Variants in GABRB2 observed in about 807,000 individuals in gnomAD.
The protein encoded by GABRB2 is gamma-aminobutyric acid type A receptor subunit beta2.
Under a neutral mutation model 54.7 loss-of-function variants are expected in GABRB2, and 16 were observed. That is an observed-to-expected ratio of 0.29 (90% CI 0.20 to 0.44). GABRB2 has a LOEUF of 0.44. GABRB2 is among the 20% of genes least tolerant of loss of function. The pLI is 1.00. For missense variants in GABRB2, 355 were observed against 644.0 expected, an observed-to-expected ratio of 0.55 and a Z score of 4.86; for synonymous variants, 244 against 233.8, an observed-to-expected ratio of 1.04 and a Z score of -0.40.
chr5:161,476,157 A>G lies in GABRB2; in HGVS notation c.238-16313T>C, dbSNP rs377515499. Among the ~76,000 whole-genome samples, 13 of 152,096 alleles carry G rather than the reference A, an allele frequency of 8.5e-5. No individual in the cohort carries two copies. In the South Asian group the frequency reaches 2.7e-3, roughly 31 times the overall value. The stretch of plus-strand genomic sequence containing the variant: ...TCTATAAACTAACGATGAGAAATAC[A>G]AAAAAGGAAATTAAGAAAACAACTT... On this transcript the variant is annotated intron_variant, in intron 3 of 9. Coordinates refer to ENST00000393959, the MANE Select transcript of GABRB2 (RefSeq NM_001371727.1).
At chr5:161,387,308 C>T (rs1298984966) in intron 5 of GABRB2, among the ~76,000 whole-genome samples, 2 of 152,040 alleles carry the variant, frequency 1.3e-5, no homozygotes, top group African/African-American at 4.8e-5. Context: ...CTGGCAGGCT[C>T]TCACCCAAGA....
At chr5:161,355,992 A>G (rs1305130797) in intron 5 of GABRB2, among the ~76,000 whole-genome samples, 1 of 152,084 alleles carries the variant, frequency 6.6e-6, no homozygotes, top group Non-Finnish European at 1.5e-5. Flanking sequence ...TCTGCTCTCA[A>G]CCTCAAGTTT....
At chr5:161,330,162 T>A (rs960965885) in intron 8 of GABRB2, 8 of 152,234 alleles carry the variant, frequency 5.3e-5, no homozygotes, top group African/African-American at 1.7e-4. Context: ...AACTACTGAC[T>A]TAACAAATAA....
chr5:161,431,797 T>C (rs181075815), intron 4 of GABRB2, among the ~76,000 whole-genome samples: 1 of 152,340 alleles, frequency 6.6e-6, no homozygotes, highest in East Asian at 1.9e-4. Context: ...CTTCCTAAGG[T>C]GGATATTAAT....
At chr5:161,335,072 G>T (rs1753953502) in intron 6 of GABRB2, among the ~76,000 whole-genome samples, 168 bp from the exon 7 acceptor site, 1 of 152,150 alleles carries the variant, frequency 6.6e-6, no homozygotes. Context: ...TAATTACCAG[G>T]AGTTACTCAG....
At chr5:161,336,396 C>T (rs577041121) in intron 6 of GABRB2, among the ~76,000 whole-genome samples, 1 of 152,186 alleles carries the variant, frequency 6.6e-6, no homozygotes, top group Admixed American at 6.6e-5. Context: ...TTAGTCGCTT[C>T]TCTGGCAAAT....
Position 161,289,232 on chromosome 5 carries a change from C to CTTTTTTTTTTTTTTTT in GABRB2, c.*4833_*4848dup, listed in dbSNP as rs56372028. On this transcript the variant is annotated 3_prime_UTR_variant, in exon 10 of 10. Coordinates refer to ENST00000393959, the MANE Select transcript of GABRB2 (RefSeq NM_001371727.1). ...ACCTAGTAGCTTTTTAAGAGTGCTG[C>CTTTTTTTTTTTTTTTT]TTTTTTTTTTTTTTTTTGTACAGAT... The CTTTTTTTTTTTTTTTT allele has an allele frequency of 2.2e-3, 200 of 90,436 alleles. 11 individuals are homozygous for CTTTTTTTTTTTTTTTT. The highest frequency in any genetic ancestry group is 6.7e-3 in the African/African-American group (108 of 16,206). The allele number at this position is 90,436 out of a possible 1,614,324, so 5.6% of individuals were successfully genotyped here.
chr5:161,358,365 C>T (rs1460453975), intron 5 of GABRB2, among the ~76,000 whole-genome samples: 1 of 151,606 alleles, frequency 6.6e-6, no homozygotes, highest in Non-Finnish European at 1.5e-5. Context: ...GAAAGGCATA[C>T]TGGAATAGTT....
intron 3 of GABRB2, among the ~76,000 whole-genome samples, chr5:161,543,559 A>G (rs539022760): frequency 1.6e-3 from 241 of 152,282 alleles, no homozygotes; most frequent in Non-Finnish European, 2.8e-3. Flanking sequence ...AAAAAGCAAA[A>G]TGCAAAAGAG....
chr5:161,404,098 G>A (rs951249483), intron 5 of GABRB2, among the ~76,000 whole-genome samples: 3 of 152,048 alleles, frequency 2.0e-5, no homozygotes, highest in African/African-American at 7.2e-5. Context: ...CCAGATACAC[G>A]TCAAGGTCAG....
rs1417205145 is a variant in GABRB2, at chr5:161,371,779, TG to T, written c.542-35011del. ...CTCTGTAGCCCAGGCTGGAGTGCATTGGGGCAATCACAGCTCACTGCAGCCA... is the reference window on the plus strand; with the variant it reads ...CTCTGTAGCCCAGGCTGGAGTGCATTGGGCAATCACAGCTCACTGCAGCCA... On this transcript the variant is annotated intron_variant, in intron 5 of 9. Transcript: ENST00000393959. Among the ~76,000 whole-genome samples, 6 of 152,114 alleles carry T rather than the reference TG, an allele frequency of 3.9e-5. No homozygotes were observed. The East Asian group carries it at 9.6e-4, about 24-fold the overall frequency.
chr5:161,396,199 C>G (rs1389348799), intron 5 of GABRB2, among the ~76,000 whole-genome samples: 1 of 152,160 alleles, frequency 6.6e-6, no homozygotes, highest in African/African-American at 2.4e-5. Flanking sequence ...ACAGCTCCAT[C>G]AGGAAGTGGA....
upstream of GABRB2, chr5:161,546,731 G>T (rs972756170): frequency 2.6e-6 from 4 of 1,536,966 alleles, no homozygotes; most frequent in Non-Finnish European, 3.5e-6. Context: ...AATGTGAGGC[G>T]CATGCGCACG....
rs41298420 is a variant in GABRB2 at position 161,332,026 on chromosome 5, C to T, written c.833-899G>A. ...TAAAAATACAAAAAAATTAGCCGGG[C>T]GTGATGGCGGGCGCCTGTAGTCCCA... On this transcript the variant is annotated intron_variant, in intron 7 of 9. Coordinates refer to ENST00000393959, the MANE Select transcript of GABRB2 (RefSeq NM_001371727.1). 7.8e-3 allele frequency among the ~76,000 whole-genome samples: 1,184 copies of T among 151,740 alleles called. 15 individuals carry two copies. The highest frequency in any genetic ancestry group is 0.027 in the African/African-American group (1,127 of 41,386).
chr5:161,455,427 C>G (rs1033319021), intron 4 of GABRB2, among the ~76,000 whole-genome samples: 1 of 152,024 alleles, frequency 6.6e-6, no homozygotes, highest in Non-Finnish European at 1.5e-5. Flanking sequence ...GAGATGGGAA[C>G]TATCATCCCA....
At chr5:161,425,515 A>G (rs181627240) in intron 4 of GABRB2, among the ~76,000 whole-genome samples, 9 of 152,248 alleles carry the variant, frequency 5.9e-5, no homozygotes, top group Admixed American at 5.2e-4. Context: ...AGTATTTTAA[A>G]TAAGGAATGT....
chr5:161,416,882 G>A (rs990027), intron 4 of GABRB2, among the ~76,000 whole-genome samples: 1 of 151,622 alleles, frequency 6.6e-6, no homozygotes, highest in Non-Finnish European at 1.5e-5. Flanking sequence ...AGTTACTAAA[G>A]AAAAATTAAC....
At chr5:161,471,957 T>C (rs1758453025) in intron 3 of GABRB2, among the ~76,000 whole-genome samples, 1 of 151,898 alleles carries the variant, frequency 6.6e-6, no homozygotes, top group African/African-American at 2.4e-5. Context: ...ATCATCACAA[T>C]AGCACTATAA....
chr5:161,519,640 T>C (rs548282999), intron 3 of GABRB2, among the ~76,000 whole-genome samples: 13 of 152,210 alleles, frequency 8.5e-5, no homozygotes, highest in East Asian at 1.9e-4. Context: ...ATAAAAACTA[T>C]CAATAAATGG....
Sources: allele counts gnomAD v4.1 joint callset (sites outside exome capture counted in the v4.1 genomes callset), GRCh38; gene constraint gnomAD v4.1.1; transcripts MANE v1.5; gene names NCBI Gene and HGNC (gene_info 2026-07-23, HGNC 2026-07-21).